Variants in THEMIS observed in about 807,000 individuals in gnomAD.
The protein encoded by THEMIS is protein THEMIS.
Under a neutral mutation model 52.6 loss-of-function variants are expected in THEMIS, and 37 were observed. The ratio of observed to expected loss-of-function variants is 0.70; its 90% CI spans 0.54 to 0.93. The LOEUF (loss-of-function observed/expected upper bound fraction) is 0.93. THEMIS is among the 40% of genes least tolerant of loss of function. The pLI, the probability that THEMIS is intolerant of heterozygous loss-of-function variation, is 0.00. For synonymous variants in THEMIS, 292 were observed against 272.7 expected, an observed-to-expected ratio of 1.07 and a Z score of -0.70; for missense variants, 808 against 763.1, an observed-to-expected ratio of 1.06 and a Z score of -0.69.
intron 4 of THEMIS, among the ~76,000 whole-genome samples, chr6:127,784,378 G>A (rs975377641): frequency 2.6e-5 from 4 of 152,040 alleles, no homozygotes; most frequent in Admixed American, 6.6e-5. Context: ...AGAACTTAAA[G>A]TATATGTAAA....
At chr6:127,798,745 CT>C (rs1777418040) in intron 4 of THEMIS, among the ~76,000 whole-genome samples, 1 of 152,038 alleles carries the variant, frequency 6.6e-6, no homozygotes, top group Admixed American at 6.6e-5. Context: ...AATCCCAGCA[CT>C]TTGGGAGGCC....
intron 3 of THEMIS, among the ~76,000 whole-genome samples, chr6:127,814,381 T>C (rs1246504965): frequency 2.0e-5 from 3 of 152,220 alleles, no homozygotes; most frequent in Non-Finnish European, 4.4e-5. Flanking sequence ...TTTTAAGTCA[T>C]ATTCTTGAGG....
In THEMIS at chr6:127,829,459, T is replaced by C; in HGVS notation, c.709+17A>G. ...AATGCTCATGCTCATAGAACATCATTCTCAGTGGATACTCACATTTCATCA... is the reference window on the plus strand; with the variant it reads ...AATGCTCATGCTCATAGAACATCATCCTCAGTGGATACTCACATTTCATCA... On this transcript the variant is annotated intron_variant, in intron 3 of 5. Coordinates refer to ENST00000368248, the MANE Select transcript of THEMIS (RefSeq NM_001010923.3). 6.4e-7 allele frequency: 1 copy of C among 1,570,296 alleles called. No individual in the cohort carries two copies. Among genetic ancestry groups the C allele is most frequent in the Non-Finnish European group, 8.6e-7 (1 of 1,158,854 alleles).
chr6:127,879,959 C>A (rs752909668), intron 1 of THEMIS, among the ~76,000 whole-genome samples: 2 of 152,168 alleles, frequency 1.3e-5, no homozygotes, highest in African/African-American at 2.4e-5. Context: ...ACTCCTCCCC[C>A]GGGTGTAGCC....
At position 127,708,488 on chromosome 6, in the gene THEMIS, A is replaced by G. The variant is rs915918055; in HGVS notation, c.*1497T>C. ...AATTATTCACTATTGTTTGAAAAAT[A>G]ACAAATTATATGAGTCTAAAAACAC... On this transcript the variant is annotated 3_prime_UTR_variant, in exon 6 of 6. Transcript: ENST00000368248. 1 of 152,106 alleles carries G rather than the reference A, an allele frequency of 6.6e-6. No homozygotes were observed. The highest frequency in any genetic ancestry group is 2.4e-5 in the African/African-American group (1 of 41,438). 9.4% of individuals were successfully genotyped at this position (152,106 alleles called of 1,614,324 possible).
intron 4 of THEMIS, among the ~76,000 whole-genome samples, chr6:127,759,610 A>G (rs907314027): frequency 1.3e-5 from 2 of 152,156 alleles, no homozygotes; most frequent in Admixed American, 6.5e-5. Context: ...ACATATATTC[A>G]TCATTGAATT....
chr6:127,818,096 T>C (rs1487939526), intron 3 of THEMIS, among the ~76,000 whole-genome samples: 1 of 152,190 alleles, frequency 6.6e-6, no homozygotes, highest in Non-Finnish European at 1.5e-5. Flanking sequence ...AAGCCACCTC[T>C]AATATTCTAT....
At chr6:127,791,268 T>C (rs1020001959) in intron 4 of THEMIS, among the ~76,000 whole-genome samples, 3 of 151,996 alleles carry the variant, frequency 2.0e-5, no homozygotes, top group East Asian at 2.0e-4. Flanking sequence ...CTCCTCTCCA[T>C]AGGCAGGTCA....
At chr6:127,794,077 A>G (rs918471127) in intron 4 of THEMIS, among the ~76,000 whole-genome samples, 3 of 152,256 alleles carry the variant, frequency 2.0e-5, no homozygotes, top group African/African-American at 7.2e-5. Flanking sequence ...TGGAGAAGTT[A>G]TAAAATGAAG....
intron 4 of THEMIS, 58 bp downstream of exon 4, chr6:127,812,825 A>G: frequency 6.7e-7 from 1 of 1,492,306 alleles, no homozygotes; most frequent in Non-Finnish European, 9.0e-7. Context: ...AAAAGACTTG[A>G]AACAAATTGC....
At chr6:127,732,112 T>C (rs1229542175) in intron 4 of THEMIS, among the ~76,000 whole-genome samples, 3 of 151,626 alleles carry the variant, frequency 2.0e-5, no homozygotes, top group Admixed American at 6.6e-5. Context: ...TGAAAAACTA[T>C]AGACAAGTAT....
intron 1 of THEMIS, among the ~76,000 whole-genome samples, chr6:127,872,955 G>T (rs971155454): frequency 1.3e-5 from 2 of 152,100 alleles, no homozygotes; most frequent in Non-Finnish European, 2.9e-5. Flanking sequence ...CAAAGTTGTA[G>T]AATACTAGAA....
intron 4 of THEMIS, among the ~76,000 whole-genome samples, chr6:127,767,942 A>G (rs1166922785): frequency 6.6e-6 from 1 of 152,170 alleles, no homozygotes; most frequent in Non-Finnish European, 1.5e-5. Flanking sequence ...CACTGTATAT[A>G]TGTGGTCCAT....
intron 1 of THEMIS, among the ~76,000 whole-genome samples, chr6:127,915,935 C>T (rs891370118): frequency 1.2e-4 from 19 of 152,176 alleles, no homozygotes; most frequent in East Asian, 5.8e-4. Flanking sequence ...TGCAGTGAGC[C>T]GAGATTGTGC....
At chr6:127,914,121 T>G (rs1039772225) in intron 1 of THEMIS, among the ~76,000 whole-genome samples, 4 of 152,184 alleles carry the variant, frequency 2.6e-5, no homozygotes, top group African/African-American at 7.2e-5. Context: ...ATACAATATT[T>G]TTAATAATTT....
intron 2 of THEMIS, among the ~76,000 whole-genome samples, chr6:127,835,192 ATACCACATATTTGCTGTTCCTAGCCC>A (rs1470758851): frequency 1.3e-5 from 2 of 152,108 alleles, no homozygotes; most frequent in African/African-American, 4.8e-5. Context: ...GATCTTCACA[ATACCACATATTTGCTGTTCCTAGCCC>A]TAGGTGATTT....
At chr6:127,894,582 C>T (rs1780907850) in intron 1 of THEMIS, among the ~76,000 whole-genome samples, 1 of 151,614 alleles carries the variant, frequency 6.6e-6, no homozygotes, top group Non-Finnish European at 1.5e-5. Flanking sequence ...GCCGATTCAA[C>T]ATAGGAGGCT....
chr6:127,867,320 T>C (rs949516313), intron 1 of THEMIS, among the ~76,000 whole-genome samples: 1 of 152,052 alleles, frequency 6.6e-6, no homozygotes, highest in Non-Finnish European at 1.5e-5. Context: ...AAACAGTTGC[T>C]TAAACAACAA....
At chr6:127,767,423 CT>C (rs926502732) in intron 4 of THEMIS, among the ~76,000 whole-genome samples, 4 of 151,806 alleles carry the variant, frequency 2.6e-5, no homozygotes, top group African/African-American at 9.7e-5. Context: ...GTTCTATAAG[CT>C]TTTTTTTCAA....
Sources: allele counts gnomAD v4.1 joint callset (sites outside exome capture counted in the v4.1 genomes callset), GRCh38; gene constraint gnomAD v4.1.1; transcripts MANE v1.5; gene names NCBI Gene and HGNC (gene_info 2026-07-23, HGNC 2026-07-21).